Variants in TMEM131L observed in about 807,000 individuals in gnomAD.
The protein encoded by TMEM131L is transmembrane protein 131-like.
A neutral mutation model predicts 192.2 loss-of-function variants in TMEM131L; 54 were observed. The observed-to-expected ratio is 0.28, with a 90% confidence interval of 0.23 to 0.35. The LOEUF is 0.35. Among genes scored for constraint, TMEM131L ranks in the 10% least tolerant of loss-of-function variants. The pLI, the probability that TMEM131L is intolerant of heterozygous loss-of-function variation, is 1.00. For missense variants in TMEM131L, 1,888 were observed against 1,972.9 expected (o/e 0.96, Z 0.82); for synonymous variants, 701 against 704.9 (o/e 0.99, Z 0.09).
intron 3 of TMEM131L, among the ~76,000 whole-genome samples, chr4:153,489,411 T>A (rs992565402): frequency 6.6e-6 from 1 of 152,196 alleles, no homozygotes; most frequent in African/African-American, 2.4e-5. Context: ...CTGAATTATT[T>A]CTTTGTGTAT....
chr4:153,530,732 C>T (rs1735835730), intron 3 of TMEM131L, among the ~76,000 whole-genome samples: 1 of 152,172 alleles, frequency 6.6e-6, no homozygotes, highest in Non-Finnish European at 1.5e-5. Context: ...GGACCAGCAG[C>T]AGTGACAGAG....
At chr4:153,593,700 T>C (rs961672985) in intron 18 of TMEM131L, 99 bp from the exon 19 acceptor site, 8 of 772,744 alleles carry the variant, frequency 1.0e-5, no homozygotes, top group Non-Finnish European at 1.6e-5. Flanking sequence ...GCAAATGTAC[T>C]CACCTATGTA....
At chr4:153,483,856 T>A (rs1249928425) in intron 3 of TMEM131L, among the ~76,000 whole-genome samples, 2 of 152,168 alleles carry the variant, frequency 1.3e-5, no homozygotes, top group South Asian at 4.1e-4. Flanking sequence ...TTTCGGCTTC[T>A]CTTATGCAGT....
intron 2 of TMEM131L, among the ~76,000 whole-genome samples, chr4:153,468,394 G>T (rs1474739478): frequency 6.6e-6 from 1 of 152,146 alleles, no homozygotes; most frequent in Non-Finnish European, 1.5e-5. Context: ...TCAGGATGAG[G>T]AGCAGATAGT....
intron 3 of TMEM131L, among the ~76,000 whole-genome samples, chr4:153,517,756 A>C (rs1357879299): frequency 6.6e-6 from 1 of 152,210 alleles, no homozygotes; most frequent in African/African-American, 2.4e-5. Flanking sequence ...GTCTGTGTAT[A>C]TGCAGTCATG....
At chr4:153,544,953 T>C (rs1737061725) in intron 3 of TMEM131L, among the ~76,000 whole-genome samples, 1 of 152,200 alleles carries the variant, frequency 6.6e-6, no homozygotes, top group Non-Finnish European at 1.5e-5. Flanking sequence ...TCTGGGGAGA[T>C]GAAGCTTTGT....
intron 3 of TMEM131L, among the ~76,000 whole-genome samples, chr4:153,520,335 G>A (rs1561153336): frequency 6.6e-6 from 1 of 152,088 alleles, no homozygotes; most frequent in Non-Finnish European, 1.5e-5. Flanking sequence ...GCTGGGTGTA[G>A]TGGCACTCGT....
intron 4 of TMEM131L, among the ~76,000 whole-genome samples, chr4:153,553,308 T>G (rs1737771772): frequency 6.6e-6 from 1 of 152,192 alleles, no homozygotes; most frequent in African/African-American, 2.4e-5. Flanking sequence ...TTCATACATT[T>G]GTTGCTGAGA....
At position 153,552,555 on chromosome 4, in the gene TMEM131L, G is replaced by A. The variant is rs149142656; in HGVS notation, c.308+2414G>A. Among the ~76,000 whole-genome samples the A allele has an allele frequency of 1.4e-3, 217 of 152,284 alleles. 1 individual carries two copies. Among genetic ancestry groups the A allele is most frequent in the African/African-American group, 4.9e-3 (205 of 41,560 alleles). ...ACTTTAGATTATCTCTAGAGGCCGG[G>A]CACGGTGGTTTATGCCTGTAATCCC... On this transcript the variant is annotated intron_variant, in intron 4 of 34. Transcript: ENST00000409959.
At chr4:153,473,938 C>G in intron 3 of TMEM131L, 50 bp downstream of exon 3, 1 of 1,302,718 alleles carries the variant, frequency 7.7e-7, no homozygotes, top group Non-Finnish European at 1.1e-6. Flanking sequence ...TCCCTGCCCA[C>G]TTTGGGTGCT....
chr4:153,609,996 T>G (rs771269787), intron 25 of TMEM131L, among the ~76,000 whole-genome samples: 6 of 152,186 alleles, frequency 3.9e-5, no homozygotes, highest in Non-Finnish European at 7.4e-5. Flanking sequence ...CAGTTTGTGT[T>G]TTAGAAGGAA....
rs768502747 is a variant in TMEM131L, at chr4:153,636,626, T to G, written c.*50T>G. 6.4e-6 allele frequency: 10 copies of G among 1,563,360 alleles called. No homozygotes were observed. The highest frequency in any genetic ancestry group is 7.0e-6 in the Non-Finnish European group (8 of 1,142,594). On this transcript the variant is annotated 3_prime_UTR_variant, in exon 35 of 35. Transcript: ENST00000409959. The stretch of plus-strand genomic sequence containing the variant: ...TGAATAAAGAGGCTTGTGTTTTGAT[T>G]ACTAGTGTAAACTGGTTATTGAGAT...
intron 3 of TMEM131L, among the ~76,000 whole-genome samples, chr4:153,514,524 A>G (rs978354476): frequency 1.3e-5 from 2 of 152,232 alleles, no homozygotes; most frequent in African/African-American, 2.4e-5. Context: ...ACTTTGTCCT[A>G]GATTCTCTTT....
intron 25 of TMEM131L, among the ~76,000 whole-genome samples, chr4:153,606,170 G>A (rs896119661): frequency 1.3e-5 from 2 of 152,174 alleles, no homozygotes; most frequent in African/African-American, 2.4e-5. Flanking sequence ...ACACTCTCTG[G>A]GGTCTAGAAT....
intron 21 of TMEM131L, among the ~76,000 whole-genome samples, chr4:153,601,464 C>T (rs1731834159): frequency 6.6e-6 from 1 of 151,778 alleles, no homozygotes; most frequent in South Asian, 2.1e-4. Flanking sequence ...GAGTTCAAGG[C>T]TGCAGTGAGC....
intron 7 of TMEM131L, among the ~76,000 whole-genome samples, chr4:153,573,693 A>G (rs1303944912): frequency 2.0e-5 from 3 of 152,174 alleles, no homozygotes; most frequent in African/African-American, 4.8e-5. Flanking sequence ...GGCACATTTC[A>G]GGGAGTGGGA....
rs186559868 is a variant in TMEM131L at position 153,560,345 on chromosome 4, G to A, written c.660+1977G>A. ...CTCTGGGGCTGTCCTCACAGGCCACGTCTCTGTCTCTCCCTGCACTGTAGC... is the reference window on the plus strand; with the variant it reads ...CTCTGGGGCTGTCCTCACAGGCCACATCTCTGTCTCTCCCTGCACTGTAGC... On this transcript the variant is annotated intron_variant, in intron 7 of 34. Transcript: ENST00000409959. Among the ~76,000 whole-genome samples the A allele has an allele frequency of 1.9e-3, 288 of 152,312 alleles. 2 individuals are homozygous for A. The highest frequency in any genetic ancestry group is 3.6e-3 in the Non-Finnish European group (242 of 68,020).
chr4:153,573,099 T>A (rs766433546), intron 7 of TMEM131L, among the ~76,000 whole-genome samples: 1 of 152,272 alleles, frequency 6.6e-6, no homozygotes, highest in Non-Finnish European at 1.5e-5. Flanking sequence ...GTTTTGTTTA[T>A]CCACCTTGTG....
At chr4:153,552,943 GT>G (rs1737738393) in intron 4 of TMEM131L, among the ~76,000 whole-genome samples, 1 of 120,750 alleles carries the variant, frequency 8.3e-6, no homozygotes, top group Non-Finnish European at 1.6e-5. Flanking sequence ...GTTATTTTTT[GT>G]GTTTTTTTTT....
Sources: gnomAD v4.1 joint callset for allele counts (sites outside exome capture counted in the v4.1 genomes callset) on GRCh38, gnomAD v4.1.1 for gene constraint, MANE v1.5 for transcripts, NCBI Gene and HGNC (gene_info 2026-07-23, HGNC 2026-07-21) for gene names.